The following NIF3L1 variants were observed in gnomAD, a reference collection of about 807,000 sequenced individuals.
The protein encoded by NIF3L1 is NGG1 interacting factor 3 like 1.
In NIF3L1, 26 loss-of-function variants were observed where a neutral mutation model predicts 35.0. The ratio of observed to expected loss-of-function variants is 0.74; its 90% confidence interval spans 0.54 to 1.03. NIF3L1 has a LOEUF of 1.03. Among genes scored for constraint, NIF3L1 ranks in the 50% least tolerant of loss-of-function variants. The pLI is 0.00. For synonymous variants in NIF3L1, 157 were observed against 178.9 expected, an observed-to-expected ratio of 0.88 and a Z score of 0.98; for missense variants, 449 against 466.3, an observed-to-expected ratio of 0.96 and a Z score of 0.34.
chr2:200,903,744 A>G lies in NIF3L1; in HGVS notation c.*66A>G. The G allele has an allele frequency of 2.3e-6, 3 of 1,286,570 alleles. No homozygotes were observed. Among genetic ancestry groups the G allele is most frequent in the Non-Finnish European group, 3.4e-6 (3 of 881,758 alleles). The allele number at this position is 1,286,570 out of a possible 1,614,324, so 79.7% of individuals were successfully genotyped here. On this transcript the variant is annotated 3_prime_UTR_variant, in exon 7 of 7. Transcript: ENST00000409020. ...GATGCCAACTTAAATTTGTAACATG[A>G]GTCAGTGGGACTGGTGTGCTTCCAG...
intron 2 of NIF3L1, 105 bp from the exon 3 acceptor site, chr2:200,893,141 C>T (rs912313335): frequency 2.1e-5 from 18 of 840,164 alleles, no homozygotes; most frequent in Non-Finnish European, 3.1e-5. Context: ...GAGAATGAAT[C>T]TTTTTAAAAA....
At chr2:200,897,038 A>C in intron 4 of NIF3L1, 38 bp from the exon 5 acceptor site, 2 of 1,606,938 alleles carry the variant, frequency 1.2e-6, no homozygotes, top group Non-Finnish European at 1.7e-6. Context: ...TTTTAGGACT[A>C]ACAATGCACA....
intron 5 of NIF3L1, among the ~76,000 whole-genome samples, chr2:200,898,756 C>T (rs2040360058): frequency 6.6e-6 from 1 of 152,208 alleles, no homozygotes; most frequent in African/African-American, 2.4e-5. Context: ...TGTTATTTCA[C>T]TTTCCAGAGG....
chr2:200,894,824 C>G (rs1024119657), intron 3 of NIF3L1, among the ~76,000 whole-genome samples: 2 of 151,964 alleles, frequency 1.3e-5, no homozygotes, highest in African/African-American at 4.8e-5. Context: ...GACCCGCCCA[C>G]CTTGGCCTCC....
chr2:200,893,505 T>G, intron 3 of NIF3L1, 97 bp downstream of exon 3: 2 of 1,195,838 alleles, frequency 1.7e-6, no homozygotes, highest in South Asian at 2.8e-5. Flanking sequence ...AAACAAATAG[T>G]TTTCTCTGGA....
Position 200,899,442 on chromosome 2 carries a change from G to A in NIF3L1, c.923G>A (p.Gly308Asp). Residue 308 changes from glycine (G) to aspartate (D), a missense_variant, in exon 6 of 7, where the codon GGT becomes GAT. Physicochemically the swap from Gly to Asp is moderately conservative, Grantham distance 94 (BLOSUM62 -1). Transcript: ENST00000409020. ...CAGSGSSVLQ[G>D]VEADLYLTGE... ...GGTTCTGGGAGCAGCGTTCTGCAGG[G>A]TGTTGAGGCTGACCTTTACCTCACA... is the stretch of plus-strand genomic sequence containing the variant. 1 of 1,614,072 alleles carries A rather than the reference G, an allele frequency of 6.2e-7. No homozygotes were observed. The highest frequency in any genetic ancestry group is 8.5e-7 in the Non-Finnish European group (1 of 1,179,974).
At chr2:200,896,281 C>T (rs2040312289) in intron 4 of NIF3L1, among the ~76,000 whole-genome samples, 1 of 152,254 alleles carries the variant, frequency 6.6e-6, no homozygotes, top group South Asian at 2.1e-4. Flanking sequence ...TGCACAGTAG[C>T]CATACTGTCT....
chr2:200,900,989 C>CCA (rs918126483), intron 6 of NIF3L1, among the ~76,000 whole-genome samples: 3 of 151,942 alleles, frequency 2.0e-5, no homozygotes, highest in African/African-American at 7.3e-5. Flanking sequence ...AAAATATGTT[C>CCA]TATATATATA....
intron 4 of NIF3L1, 70 bp downstream of exon 4, chr2:200,895,460 T>C: frequency 1.3e-6 from 2 of 1,488,486 alleles, no homozygotes; most frequent in Admixed American, 1.7e-5. Context: ...AATTGAGGTA[T>C]AATTGATATA....
chr2:200,889,912 TGTC>T (rs145510440), intron 1 of NIF3L1, among the ~76,000 whole-genome samples: 105 of 152,326 alleles, frequency 6.9e-4, no homozygotes, highest in African/African-American at 2.5e-3. Context: ...TGCCTTCTGT[TGTC>T]GTTGTTGACT....
intron 6 of NIF3L1, among the ~76,000 whole-genome samples, chr2:200,901,921 A>G (rs1157751192): frequency 6.6e-6 from 1 of 152,070 alleles, no homozygotes; most frequent in African/African-American, 2.4e-5. Context: ...GGGCCATCTT[A>G]GTGTCTTTTT....
At chr2:200,902,446 T>C (rs1010974431) in intron 6 of NIF3L1, among the ~76,000 whole-genome samples, 1 of 152,112 alleles carries the variant, frequency 6.6e-6, no homozygotes, top group African/African-American at 2.4e-5. Context: ...TGGGTGCCTG[T>C]CATTCCAGCT....
intron 3 of NIF3L1, among the ~76,000 whole-genome samples, chr2:200,894,019 A>G (rs1364156637): frequency 6.6e-6 from 1 of 152,026 alleles, no homozygotes; most frequent in Non-Finnish European, 1.5e-5. Flanking sequence ...TACTAAAAAT[A>G]CAAAATTAGC....
chr2:200,900,668 T>G (rs2040397966), intron 6 of NIF3L1, among the ~76,000 whole-genome samples: 1 of 152,248 alleles, frequency 6.6e-6, no homozygotes, highest in Non-Finnish European at 1.5e-5. Flanking sequence ...ATGTGACTAT[T>G]ACTTATTTTA....
At chr2:200,898,098 G>A (rs181399261) in intron 5 of NIF3L1, among the ~76,000 whole-genome samples, 2 of 152,298 alleles carry the variant, frequency 1.3e-5, no homozygotes, top group Admixed American at 1.3e-4. Context: ...AGTATAAAGT[G>A]CTAGCTGTTG....
intron 1 of NIF3L1, chr2:200,890,398 GGT>G (rs2040153556): frequency 6.6e-6 from 1 of 151,998 alleles, no homozygotes; most frequent in East Asian, 1.9e-4. Context: ...GACCTCGAGT[GGT>G]TTTTGGAGAC....
intron 5 of NIF3L1, among the ~76,000 whole-genome samples, chr2:200,897,950 C>G (rs963222797): frequency 1.3e-5 from 2 of 152,216 alleles, no homozygotes; most frequent in African/African-American, 4.8e-5. Context: ...TTTGTCTGTC[C>G]TGTTTGCTGC....
intron 1 of NIF3L1, 142 bp from the exon 2 acceptor site, chr2:200,891,776 G>A: frequency 1.6e-6 from 1 of 611,506 alleles, no homozygotes; most frequent in Non-Finnish European, 2.9e-6. Flanking sequence ...GCTTACCTAA[G>A]TTACAGTGTG....
At chr2:200,903,159 GC>G (rs1206874656) in intron 6 of NIF3L1, among the ~76,000 whole-genome samples, 3 of 152,052 alleles carry the variant, frequency 2.0e-5, no homozygotes, top group African/African-American at 7.2e-5. Context: ...GCACCACCAC[GC>G]CCAGCTAATT....
Sources: gnomAD v4.1 joint callset for allele counts (sites outside exome capture counted in the v4.1 genomes callset) on GRCh38, gnomAD v4.1.1 for gene constraint, MANE v1.5 for transcripts, NCBI Gene and HGNC (gene_info 2026-07-23, HGNC 2026-07-21) for gene names.